UBA2: variants seen among roughly 807,000 people sequenced by gnomAD.
UBA2 encodes SUMO-activating enzyme subunit 2.
A neutral mutation model predicts 77.2 loss-of-function variants in UBA2; 11 were observed. The ratio of observed to expected loss-of-function variants is 0.14; its 90% CI spans 0.09 to 0.24. UBA2 has a LOEUF of 0.24. UBA2 is among the 10% of genes least tolerant of loss of function. UBA2 has a pLI of 1.00. For missense variants in UBA2, 487 were observed against 781.7 expected, an observed-to-expected ratio of 0.62 and a Z score of 4.50; for synonymous variants, 278 against 276.7, an observed-to-expected ratio of 1.00 and a Z score of -0.05.
At chr19:34,466,493 CAAAA>C (rs1311645610) in intron 15 of UBA2, among the ~76,000 whole-genome samples, 2 of 152,122 alleles carry the variant, frequency 1.3e-5, no homozygotes, top group Non-Finnish European at 2.9e-5. Context: ...TTTAAAGAAA[CAAAA>C]AACCAAAACC....
rs2075599457 is a variant in UBA2, at chr19:34,458,681, T to C, written c.1246-88T>C. On this transcript the variant is annotated intron_variant, in intron 12 of 16. Transcript: ENST00000246548. ...CGGGAATTTTTAAGTCATTTTTTATTGGATATCTGGTAAACGAGATTTTAG... is the reference window on the plus strand; with the variant it reads ...CGGGAATTTTTAAGTCATTTTTTATCGGATATCTGGTAAACGAGATTTTAG... 9 of 1,167,732 alleles carry C rather than the reference T, an allele frequency of 7.7e-6. No homozygotes were observed. In the East Asian group the frequency reaches 2.4e-4, roughly 32 times the overall value. The allele number at this position is 1,167,732 out of a possible 1,614,324, so 72.3% of individuals were successfully genotyped here.
intron 9 of UBA2, among the ~76,000 whole-genome samples, chr19:34,451,044 G>A (rs1307806610): frequency 1.3e-5 from 2 of 152,098 alleles, no homozygotes; most frequent in Non-Finnish European, 2.9e-5. Flanking sequence ...CCAGATTAGA[G>A]TGCAGTGGCT....
intron 12 of UBA2, among the ~76,000 whole-genome samples, chr19:34,455,193 C>T (rs1271735870): frequency 1.3e-5 from 2 of 152,134 alleles, no homozygotes; most frequent in Admixed American, 6.5e-5. Context: ...ATTTTCAATA[C>T]CTATGTATTC....
intron 5 of UBA2, among the ~76,000 whole-genome samples, chr19:34,438,055 C>T (rs979323855): frequency 1.3e-5 from 2 of 151,928 alleles, no homozygotes; most frequent in African/African-American, 4.8e-5. Context: ...CGTCTCCCCA[C>T]CGCCAAAAAG....
intron 14 of UBA2, among the ~76,000 whole-genome samples, chr19:34,462,833 A>G (rs764590737): frequency 1.3e-5 from 2 of 152,044 alleles, no homozygotes; most frequent in African/African-American, 2.4e-5. Context: ...CGGGCGTTGT[A>G]GCTGTAATGC....
intron 10 of UBA2, 55 bp downstream of exon 10, chr19:34,452,202 C>G: frequency 7.4e-7 from 1 of 1,357,630 alleles, no homozygotes; most frequent in Non-Finnish European, 9.9e-7. Context: ...TGTTTTAGTT[C>G]TTGAGATGTA....
rs775944623 is a variant in UBA2 at position 34,443,883 on chromosome 19, T to G, written c.621T>G (p.Ser207=). 28 of 1,611,978 alleles carry G rather than the reference T, an allele frequency of 1.7e-5. No individual in the cohort carries two copies. In the East Asian group the frequency reaches 6.2e-4, roughly 36 times the overall value. ...AAGAAGATGCTGATCAAGAAGTATC[T>G]CCTGACAGAGCTGACCCTGAAGCTG... ...FGEEDADQEV[S]PDRADPEAAW... The change falls in exon 7 of 17, where the codon TCT becomes TCG. Residue 207 remains serine, a synonymous_variant. Coordinates refer to ENST00000246548, the MANE Select transcript of UBA2 (RefSeq NM_005499.3).
At chr19:34,460,836 G>C (rs906916570) in intron 14 of UBA2, among the ~76,000 whole-genome samples, 1 of 152,186 alleles carries the variant, frequency 6.6e-6, no homozygotes, top group African/African-American at 2.4e-5. Context: ...AGCTAACCTT[G>C]TGATGAGAAG....
chr19:34,448,438 A>G (rs1407694986), intron 8 of UBA2, among the ~76,000 whole-genome samples: 4 of 151,896 alleles, frequency 2.6e-5, no homozygotes, highest in Non-Finnish European at 5.9e-5. Flanking sequence ...CTAAAAACGA[A>G]AAAAAAATAG....
chr19:34,451,398 G>A (rs187475452), intron 9 of UBA2, among the ~76,000 whole-genome samples: 26 of 152,056 alleles, frequency 1.7e-4, no homozygotes, highest in Non-Finnish European at 5.9e-5. Context: ...AGTAGTGTCC[G>A]CTTACTGAGT....
At chr19:34,430,504 G>A (rs2075241455) in intron 1 of UBA2, 72 bp from the exon 2 acceptor site, 1 of 1,132,644 alleles carries the variant, frequency 8.8e-7, no homozygotes, top group East Asian at 2.4e-5. Flanking sequence ...TGGATTACAG[G>A]TGCTGAGAGT....
At chr19:34,448,304 A>G (rs1419678898) in intron 8 of UBA2, among the ~76,000 whole-genome samples, 1 of 152,124 alleles carries the variant, frequency 6.6e-6, no homozygotes, top group Non-Finnish European at 1.5e-5. Context: ...GGAATAAAAA[A>G]TGGTACCTGG....
chr19:34,456,213 C>G (rs1384273644), intron 12 of UBA2, among the ~76,000 whole-genome samples: 5 of 140,482 alleles, frequency 3.6e-5, no homozygotes, highest in Admixed American at 1.5e-4. Flanking sequence ...CTGCTGGGTT[C>G]TAGCGATTCT....
intron 7 of UBA2, 122 bp from the exon 8 acceptor site, chr19:34,444,878 C>T: frequency 1.0e-6 from 1 of 981,958 alleles, no homozygotes; most frequent in Non-Finnish European, 1.5e-6. Context: ...ATTCCTTGAA[C>T]TCAGAATGTG....
At chr19:34,446,311 C>T (rs926023830) in intron 8 of UBA2, among the ~76,000 whole-genome samples, 2 of 152,234 alleles carry the variant, frequency 1.3e-5, no homozygotes, top group African/African-American at 4.8e-5. Flanking sequence ...CATAATTTAC[C>T]TGTTGAGAGA....
intron 13 of UBA2, among the ~76,000 whole-genome samples, chr19:34,459,744 C>T (rs932009088): frequency 1.3e-5 from 2 of 152,130 alleles, no homozygotes; most frequent in Non-Finnish European, 2.9e-5. Flanking sequence ...ATTTACATGC[C>T]TCTTGAGAGA....
chr19:34,451,848 A>G (rs1481674719), intron 9 of UBA2, 133 bp from the exon 10 acceptor site: 8 of 513,150 alleles, frequency 1.6e-5, no homozygotes, highest in Non-Finnish European at 2.2e-5. Context: ...GCCTGGCCCC[A>G]TGATAATTAT....
At chr19:34,431,290 C>T (rs1419282070) in intron 2 of UBA2, among the ~76,000 whole-genome samples, 7 of 115,686 alleles carry the variant, frequency 6.1e-5, no homozygotes, top group African/African-American at 2.0e-4. Flanking sequence ...CTCACTCTGT[C>T]GCCCCAGGCT....
intron 1 of UBA2, among the ~76,000 whole-genome samples, chr19:34,429,821 G>A (rs1288849025): frequency 6.6e-6 from 1 of 152,074 alleles, no homozygotes; most frequent in Non-Finnish European, 1.5e-5. Flanking sequence ...GGGCAACAGA[G>A]GGAGACCCTG....
Sources: gnomAD v4.1 joint callset for allele counts (sites outside exome capture counted in the v4.1 genomes callset) on GRCh38, gnomAD v4.1.1 for gene constraint, MANE v1.5 for transcripts, NCBI Gene and HGNC (gene_info 2026-07-23, HGNC 2026-07-21) for gene names.